FGF10: variants seen among roughly 807,000 people sequenced by gnomAD.
FGF10 encodes FGF-10.
FGF10 carries 2 observed loss-of-function variants against 19.8 expected under a neutral mutation model. That is an observed-to-expected ratio of 0.10 (90% CI 0.04 to 0.32). The LOEUF (loss-of-function observed/expected upper bound fraction) is 0.32. Among genes scored for constraint, FGF10 ranks in the 10% least tolerant of loss-of-function variants. The probability of loss-of-function intolerance (pLI) is 1.00; values close to 1 mark genes in which losing one functional copy is unlikely to be tolerated. For missense variants in FGF10, 191 were observed against 246.3 expected, an observed-to-expected ratio of 0.78 and a Z score of 1.50; for synonymous variants, 112 against 94.0, an observed-to-expected ratio of 1.19 and a Z score of -1.10.
intron 1 of FGF10, among the ~76,000 whole-genome samples, chr5:44,377,586 C>G (rs1269062872): frequency 2.0e-5 from 3 of 152,164 alleles, no homozygotes; most frequent in Admixed American, 6.5e-5. Flanking sequence ...CCTTTTACAG[C>G]TTGTGTCCTT....
intron 1 of FGF10, among the ~76,000 whole-genome samples, chr5:44,349,449 T>TATATATATATATATCAGA (rs1741176538): frequency 6.3e-5 from 1 of 15,786 alleles, no homozygotes; most frequent in Non-Finnish European, 1.6e-4. Context: ...TATATATATA[T>TATATATATATATATCAGA]ATATATATAT....
At chr5:44,388,031 G>A (rs1742143739) in intron 1 of FGF10, among the ~76,000 whole-genome samples, 1 of 152,036 alleles carries the variant, frequency 6.6e-6, no homozygotes, top group Non-Finnish European at 1.5e-5. Context: ...TGGGAAAGGC[G>A]GTGGAGAGAG....
intron 1 of FGF10, among the ~76,000 whole-genome samples, chr5:44,320,107 T>C (rs770601532): frequency 6.6e-6 from 1 of 152,186 alleles, no homozygotes; most frequent in African/African-American, 2.4e-5. Flanking sequence ...ATCTAATGCC[T>C]GATGATCTGA....
At chr5:44,371,186 G>A (rs1331999390) in intron 1 of FGF10, among the ~76,000 whole-genome samples, 1 of 152,058 alleles carries the variant, frequency 6.6e-6, no homozygotes, top group Non-Finnish European at 1.5e-5. Context: ...TATAATGGGA[G>A]TAGAACTGGC....
rs1055516551 is a variant in FGF10 at position 44,301,159 on chromosome 5, T to C, written c.*3836A>G. On this transcript the variant is annotated 3_prime_UTR_variant, in exon 3 of 3. Coordinates refer to ENST00000264664, the MANE Select transcript of FGF10 (RefSeq NM_004465.2). Reference sequence around the variant, plus strand: ...TCAGTTTAAGTTGGAAAAGTCCTGCTTCATGAAATAAACAAGAACTCTTAA... The same window carrying C: ...TCAGTTTAAGTTGGAAAAGTCCTGCCTCATGAAATAAACAAGAACTCTTAA... Among the ~76,000 whole-genome samples the C allele has an allele frequency of 2.6e-5, 4 of 152,102 alleles. No homozygotes were observed. The highest frequency in any genetic ancestry group is 7.2e-5 in the African/African-American group (3 of 41,436).
intron 1 of FGF10, among the ~76,000 whole-genome samples, chr5:44,371,774 A>T (rs1741746837): frequency 6.6e-6 from 1 of 152,158 alleles, no homozygotes; most frequent in Admixed American, 6.5e-5. Context: ...TTCAACTAAA[A>T]TTTGAGGTTC....
At chr5:44,335,341 T>C (rs1397560562) in intron 1 of FGF10, among the ~76,000 whole-genome samples, 1 of 152,130 alleles carries the variant, frequency 6.6e-6, no homozygotes, top group Non-Finnish European at 1.5e-5. Flanking sequence ...TTCCTTTTTG[T>C]ATCAAGTTAA....
chr5:44,344,153 G>A (rs961025851), intron 1 of FGF10, among the ~76,000 whole-genome samples: 2 of 151,888 alleles, frequency 1.3e-5, no homozygotes, highest in Admixed American at 6.6e-5. Flanking sequence ...GCAAAGAGAC[G>A]TCCATAGAGA....
At chr5:44,335,206 T>C (rs952230144) in intron 1 of FGF10, among the ~76,000 whole-genome samples, 2 of 152,036 alleles carry the variant, frequency 1.3e-5, no homozygotes, top group Admixed American at 6.6e-5. Flanking sequence ...ATAACAATAA[T>C]CACTCATAAC....
intron 1 of FGF10, among the ~76,000 whole-genome samples, chr5:44,332,948 T>A (rs1228728338): frequency 6.6e-6 from 1 of 152,046 alleles, no homozygotes; most frequent in Non-Finnish European, 1.5e-5. Flanking sequence ...TTGAAAGGGC[T>A]CATGTGGCAA....
At chr5:44,310,653 T>C in intron 1 of FGF10, 123 bp from the exon 2 acceptor site, 1 of 701,826 alleles carries the variant, frequency 1.4e-6, no homozygotes, top group Non-Finnish European at 2.5e-6. Context: ...GCACAAAACA[T>C]TGGTAAACAA....
rs1178724386 is a variant in FGF10, at chr5:44,376,497, A to AC, written c.325+11860_325+11861insG. On this transcript the variant is annotated intron_variant, in intron 1 of 2. Coordinates refer to ENST00000264664, the MANE Select transcript of FGF10 (RefSeq NM_004465.2). ...AAGTTAGAATACAAATGCCAAAAAAAAAAAAAAAAAAAAAAAAAAACAAAA... is the reference window on the plus strand; with the variant it reads ...AAGTTAGAATACAAATGCCAAAAAAACAAAAAAAAAAAAAAAAAAAACAAAA... 3.7e-5 allele frequency among the ~76,000 whole-genome samples: 4 copies of AC among 108,904 alleles called. 1 individual carries two copies. In the East Asian group the frequency reaches 8.4e-4, roughly 23 times the overall value. The allele number at this position is 108,904 out of a possible 152,430, so 71.4% of individuals were successfully genotyped here. A position where few individuals can be genotyped will look rare whatever the true frequency, so the allele number is the denominator to read the frequency against.
At chr5:44,324,424 C>A (rs1207838391) in intron 1 of FGF10, among the ~76,000 whole-genome samples, 2 of 152,084 alleles carry the variant, frequency 1.3e-5, no homozygotes, top group African/African-American at 4.8e-5. Context: ...CCTTAAACTT[C>A]TTTTTAACGT....
intron 1 of FGF10, among the ~76,000 whole-genome samples, chr5:44,371,056 C>T (rs899903645): frequency 2.0e-5 from 3 of 152,020 alleles, no homozygotes; most frequent in African/African-American, 7.2e-5. Context: ...TTGTCCCCTC[C>T]AAAATTCATT....
At chr5:44,365,044 T>C (rs1037306389) in intron 1 of FGF10, among the ~76,000 whole-genome samples, 7 of 151,894 alleles carry the variant, frequency 4.6e-5, no homozygotes, top group African/African-American at 1.7e-4. Flanking sequence ...TAATGGATAC[T>C]GTCAAGTTTC....
intron 2 of FGF10, 47 bp from the exon 3 acceptor site, chr5:44,305,239 G>T: frequency 6.4e-7 from 1 of 1,551,500 alleles, no homozygotes; most frequent in South Asian, 1.1e-5. Context: ...GATTGTACTT[G>T]ATTTCATTTG....
intron 1 of FGF10, among the ~76,000 whole-genome samples, chr5:44,359,229 C>T (rs1741420514): frequency 6.6e-6 from 1 of 151,430 alleles, no homozygotes; most frequent in African/African-American, 2.4e-5. Flanking sequence ...CTAGGTAATG[C>T]TATTAACTTG....
Position 44,307,562 on chromosome 5 carries a change from G to A in FGF10, c.430-2370C>T, listed in dbSNP as rs552136177. On this transcript the variant is annotated intron_variant, in intron 2 of 2. Transcript: ENST00000264664. ...GGTATACAGTTTCCAAAAAGGAATA[G>A]AGGAAGATAATTCAAGAGAATAGAT... Among the ~76,000 whole-genome samples, 154 of 152,288 alleles carry A rather than the reference G, an allele frequency of 1.0e-3. 1 individual carries two copies. Among genetic ancestry groups the A allele is most frequent in the South Asian group, 6.6e-3 (32 of 4,828 alleles).
intron 1 of FGF10, among the ~76,000 whole-genome samples, chr5:44,317,751 G>T (rs1740382912): frequency 6.6e-6 from 1 of 151,870 alleles, no homozygotes; most frequent in South Asian, 2.1e-4. Flanking sequence ...TTCCTCACTG[G>T]TAGAGATTTT....
Sources: allele counts gnomAD v4.1 joint callset (sites outside exome capture counted in the v4.1 genomes callset), GRCh38; gene constraint gnomAD v4.1.1; transcripts MANE v1.5; gene names NCBI Gene and HGNC (gene_info 2026-07-23, HGNC 2026-07-21).